LMF1: variants seen among roughly 807,000 people sequenced by gnomAD.
LMF1 encodes the protein transmembrane protein 112.
LMF1 carries 68 observed loss-of-function variants against 60.6 expected under a neutral mutation model. The ratio of observed to expected loss-of-function variants is 1.12; its 90% CI spans 0.92 to 1.37. The LOEUF is 1.37. LMF1 is among the 40% of genes most tolerant of loss of function. The probability of loss-of-function intolerance (pLI) is 0.00; values close to 1 mark genes in which losing one functional copy is unlikely to be tolerated. For synonymous variants in LMF1, 418 were observed against 324.7 expected (o/e 1.29, Z -3.09); for missense variants, 948 against 767.2 (o/e 1.24, Z -2.78).
chr16:951,611 G>A (rs142913644), intron 2 of LMF1, among the ~76,000 whole-genome samples: 1 of 152,336 alleles, frequency 6.6e-6, no homozygotes, highest in East Asian at 1.9e-4. Context: ...CAAGAAGACA[G>A]ACCCCCAAAG....
At chr16:873,082 G>T (rs1024749129) in intron 6 of LMF1, 1 of 152,264 alleles carries the variant, frequency 6.6e-6, no homozygotes, top group African/African-American at 2.4e-5. Flanking sequence ...CGGGGCTCGG[G>T]GCCCTGCTCC....
chr16:879,820 CT>C lies in LMF1; in HGVS notation c.730-84del, dbSNP rs1235145871. 5.9e-6 allele frequency: 8 copies of C among 1,350,018 alleles called. No homozygotes were observed. In the East Asian group the frequency reaches 7.6e-5, roughly 13 times the overall value. 83.6% of individuals were successfully genotyped at this position (1,350,018 alleles called of 1,614,324 possible). On this transcript the variant is annotated intron_variant, in intron 5 of 10. Coordinates refer to ENST00000262301, the MANE Select transcript of LMF1 (RefSeq NM_022773.4). ...GAGAGGCTTGTGGGTCCCTGGCCCC[CT>C]GACCCCGGCTCCTACTGCACACAGG...
At chr16:885,447 T>A (rs569641977) in intron 5 of LMF1, among the ~76,000 whole-genome samples, 461 of 152,104 alleles carry the variant, frequency 3.0e-3, no homozygotes, top group Non-Finnish European at 4.9e-3. Flanking sequence ...GCAGGACTTG[T>A]CAGACTGGAT....
chr16:943,225 G>C (rs1002846043), intron 2 of LMF1, among the ~76,000 whole-genome samples: 1 of 151,932 alleles, frequency 6.6e-6, no homozygotes, highest in African/African-American at 2.4e-5. Context: ...CAAAAAATTA[G>C]CCAGGTGTGG....
At chr16:957,150 A>G (rs2072723494) in intron 1 of LMF1, among the ~76,000 whole-genome samples, 1 of 152,220 alleles carries the variant, frequency 6.6e-6, no homozygotes, top group South Asian at 2.1e-4. Context: ...CCATCTCAAA[A>G]GGAAAAAAAT....
chr16:872,865 T>A (rs1405002337), intron 6 of LMF1: 1 of 152,296 alleles, frequency 6.6e-6, no homozygotes, highest in African/African-American at 2.4e-5. Context: ...GTTCGGATGC[T>A]CGGCCATGCC....
At chr16:976,035 G>A (rs2073132567) in intron 1 of LMF1, 1 of 453,974 alleles carries the variant, frequency 2.2e-6, no homozygotes, top group South Asian at 1.6e-5. Context: ...GAACTCTGAA[G>A]GTTGAGCTTG....
At chr16:929,809 C>T (rs1276569537) in intron 3 of LMF1, among the ~76,000 whole-genome samples, 3 of 152,272 alleles carry the variant, frequency 2.0e-5, no homozygotes, top group Non-Finnish European at 2.9e-5. Context: ...GCGGCCCTGA[C>T]GAACGCAGCT....
intron 1 of LMF1, chr16:976,259 G>A (rs1490238781): frequency 4.5e-6 from 2 of 447,456 alleles, no homozygotes; most frequent in Admixed American, 2.4e-5. Flanking sequence ...AATGGGGCTG[G>A]GGTCCCTGGA....
At position 871,335 on chromosome 16, in the gene LMF1, G is replaced by C; in HGVS notation, c.904C>G (p.Leu302Val). 1 of 1,612,136 alleles carries C rather than the reference G, an allele frequency of 6.2e-7. No individual in the cohort carries two copies. The highest frequency in any genetic ancestry group is 8.5e-7 in the Non-Finnish European group (1 of 1,179,758). ...AAGCTGAGGTTCCCGCTGACGATGA[G>C]GACGGCCTGTGGAGACGCCGCAGCT... is the stretch of plus-strand genomic sequence containing the variant. Reference protein sequence around the residue: ...GVLQILFQAVLIVSGNLSFLN... With the variant: ...GVLQILFQAVVIVSGNLSFLN... Residue 302 changes from leucine to valine, a missense_variant, in exon 7 of 11, where the codon CTC becomes GTC. Physicochemically the swap from Leu to Val is conservative, Grantham distance 32 (BLOSUM62 1). Transcript: ENST00000262301.
intron 3 of LMF1, among the ~76,000 whole-genome samples, chr16:929,757 G>A (rs762889434): frequency 2.0e-5 from 3 of 152,258 alleles, no homozygotes; most frequent in Non-Finnish European, 4.4e-5. Flanking sequence ...ACGGCAGAAT[G>A]GGGTTTAACA....
At chr16:981,023 C>T (rs2073342251) in intron 1 of LMF1, 2 of 211,826 alleles carry the variant, frequency 9.4e-6, no homozygotes, top group Non-Finnish European at 2.0e-5. Flanking sequence ...GCGCTCCCGC[C>T]CCCTCCAGCT....
chr16:871,686 T>A, intron 6 of LMF1: 1 of 247,840 alleles, frequency 4.0e-6, no homozygotes, highest in Non-Finnish European at 7.8e-6. Context: ...AGAGGGCACC[T>A]GCCGGGGTCA....
chr16:875,976 C>T (rs1174371712), intron 6 of LMF1, among the ~76,000 whole-genome samples: 1 of 147,218 alleles, frequency 6.8e-6, no homozygotes, highest in Non-Finnish European at 1.5e-5. Flanking sequence ...TCCTGGAACA[C>T]ACCCCTCCAT....
intron 10 of LMF1, among the ~76,000 whole-genome samples, chr16:863,174 T>C (rs1353024591): frequency 6.6e-6 from 1 of 152,212 alleles, no homozygotes; most frequent in African/African-American, 2.4e-5. Flanking sequence ...TGATATCTCT[T>C]TTTCGTTTCG....
At chr16:932,423 G>A (rs1170987193) in intron 3 of LMF1, among the ~76,000 whole-genome samples, 4 of 152,170 alleles carry the variant, frequency 2.6e-5, no homozygotes, top group African/African-American at 7.2e-5. Flanking sequence ...TCTGACCCGC[G>A]CACTGGGCTC....
intron 1 of LMF1, among the ~76,000 whole-genome samples, chr16:964,896 A>C (rs2072892646): frequency 6.6e-6 from 1 of 152,218 alleles, no homozygotes; most frequent in African/African-American, 2.4e-5. Flanking sequence ...ACGCGATAAA[A>C]CTGCCCCACG....
chr16:959,188 G>A (rs1189986302), intron 1 of LMF1, among the ~76,000 whole-genome samples: 1 of 152,270 alleles, frequency 6.6e-6, no homozygotes, highest in Non-Finnish European at 1.5e-5. Flanking sequence ...CACGGTGGAA[G>A]TGGATAAATA....
chr16:981,054 C>T (rs2073343162), intron 1 of LMF1: 2 of 234,824 alleles, frequency 8.5e-6, no homozygotes, highest in Non-Finnish European at 8.7e-6. Flanking sequence ...CGGGACCGCG[C>T]CCCCGCCCGC....
Sources: gnomAD v4.1 joint callset for allele counts (sites outside exome capture counted in the v4.1 genomes callset) on GRCh38, gnomAD v4.1.1 for gene constraint, MANE v1.5 for transcripts, NCBI Gene and HGNC (gene_info 2026-07-23, HGNC 2026-07-21) for gene names.